Variants in MAGI1 observed in about 807,000 individuals in gnomAD.
MAGI1 encodes the protein membrane associated guanylate kinase, WW and PDZ domain containing 1.
A neutral mutation model predicts 139.9 loss-of-function variants in MAGI1; 58 were observed. The ratio of observed to expected loss-of-function variants is 0.41; its 90% CI spans 0.34 to 0.52. MAGI1 has a LOEUF of 0.52. MAGI1 is among the 20% of genes least tolerant of loss of function. MAGI1 has a pLI of 0.12. For missense variants in MAGI1, 1,874 were observed against 1,901.6 expected (o/e 0.99, Z 0.27); for synonymous variants, 812 against 737.9 (o/e 1.10, Z -1.63).
intron 1 of MAGI1, among the ~76,000 whole-genome samples, chr3:65,632,787 T>C (rs552141186): frequency 2.0e-5 from 3 of 152,326 alleles, no homozygotes; most frequent in South Asian, 2.1e-4. Context: ...CCTTGGGCCA[T>C]AGTTTCTAAA....
intron 20 of MAGI1, 126 bp downstream of exon 20, chr3:65,364,539 A>C (rs1379689343): frequency 1.3e-6 from 1 of 782,354 alleles, no homozygotes; most frequent in Non-Finnish European, 2.2e-6. Flanking sequence ...TACGTTTGGT[A>C]AATCACCTCA....
At chr3:65,777,350 A>G (rs374857089) in intron 1 of MAGI1, among the ~76,000 whole-genome samples, 29 of 152,324 alleles carry the variant, frequency 1.9e-4, no homozygotes, top group African/African-American at 7.0e-4. Context: ...TGATGTACTT[A>G]GACGAATGAC....
rs2078201462 is a variant in MAGI1 at position 65,522,336 on chromosome 3, A to AATAT, written c.431-28706_431-28705insATAT. Among the ~76,000 whole-genome samples, 3 of 152,334 alleles carry AATAT rather than the reference A, an allele frequency of 2.0e-5. No individual in the cohort carries two copies. In the South Asian group the frequency reaches 6.2e-4, roughly 32 times the overall value. On this transcript the variant is annotated intron_variant, in intron 2 of 22. Transcript: ENST00000402939. ...GCATTTCATAGGACTAGTGTTCTAT[A>AATAT]AGCACAAGCATAGGCTGCTGGAGTT...
chr3:65,816,288 A>G (rs1450846273), intron 1 of MAGI1, among the ~76,000 whole-genome samples: 3 of 152,234 alleles, frequency 2.0e-5, no homozygotes, highest in African/African-American at 7.2e-5. Context: ...TATCCAAAAA[A>G]AAAACACTTT....
chr3:65,515,735 C>G (rs2077838128), intron 2 of MAGI1, among the ~76,000 whole-genome samples: 1 of 152,194 alleles, frequency 6.6e-6, no homozygotes, highest in Non-Finnish European at 1.5e-5. Context: ...CAGCCAAACT[C>G]TCAGCCATCA....
intron 1 of MAGI1, among the ~76,000 whole-genome samples, chr3:65,803,152 A>T (rs2040623853): frequency 6.6e-6 from 1 of 151,976 alleles, no homozygotes. Context: ...AAATGAGCTG[A>T]TTTTTTTTAA....
intron 1 of MAGI1, among the ~76,000 whole-genome samples, chr3:65,921,114 A>C (rs533331991): frequency 6.6e-6 from 1 of 152,240 alleles, no homozygotes; most frequent in African/African-American, 2.4e-5. Context: ...CAGAAGTTAT[A>C]ATTGCACAGA....
chr3:65,732,706 C>A (rs556672423), intron 1 of MAGI1, among the ~76,000 whole-genome samples: 1 of 152,308 alleles, frequency 6.6e-6, no homozygotes, highest in Admixed American at 6.5e-5. Flanking sequence ...AAAAATCCTG[C>A]TACAGATTAT....
chr3:65,713,242 T>C (rs903456516), intron 1 of MAGI1, among the ~76,000 whole-genome samples: 1 of 152,078 alleles, frequency 6.6e-6, no homozygotes, highest in Non-Finnish European at 1.5e-5. Flanking sequence ...CTCCCTGCCA[T>C]ACCAGCCTTA....
intron 2 of MAGI1, among the ~76,000 whole-genome samples, chr3:65,615,414 G>A (rs1294344666): frequency 6.6e-6 from 1 of 152,172 alleles, no homozygotes; most frequent in Non-Finnish European, 1.5e-5. Context: ...GGTCAGGAAT[G>A]TCCAGGTCCT....
intron 1 of MAGI1, among the ~76,000 whole-genome samples, chr3:65,758,944 T>C (rs1023091102): frequency 8.6e-5 from 13 of 152,028 alleles, no homozygotes; most frequent in African/African-American, 1.4e-4. Context: ...GGAACATATA[T>C]GCTGGTGAAT....
chr3:65,781,237 G>T (rs2038908151), intron 1 of MAGI1, among the ~76,000 whole-genome samples: 1 of 152,020 alleles, frequency 6.6e-6, no homozygotes, highest in South Asian at 2.1e-4. Flanking sequence ...AAGTTCGGAT[G>T]GAAAACAGAA....
At chr3:65,868,971 A>G (rs1415075307) in intron 1 of MAGI1, among the ~76,000 whole-genome samples, 1 of 152,000 alleles carries the variant, frequency 6.6e-6, no homozygotes, top group Non-Finnish European at 1.5e-5. Context: ...AACTTCTAAC[A>G]TACCTCATAA....
At chr3:65,801,914 T>A (rs776271843) in intron 1 of MAGI1, among the ~76,000 whole-genome samples, 1 of 152,154 alleles carries the variant, frequency 6.6e-6, no homozygotes, top group Non-Finnish European at 1.5e-5. Flanking sequence ...CCTCCTGAGC[T>A]GGGCCTCCTG....
chr3:65,576,799 T>C (rs1169221325), intron 2 of MAGI1, among the ~76,000 whole-genome samples: 2 of 152,182 alleles, frequency 1.3e-5, no homozygotes, highest in African/African-American at 4.8e-5. Context: ...CATTTAGGTA[T>C]CTGCCACCAG....
chr3:65,936,661 A>G (rs894136796), intron 1 of MAGI1, among the ~76,000 whole-genome samples: 1 of 151,980 alleles, frequency 6.6e-6, no homozygotes, highest in Admixed American at 6.6e-5. Context: ...ACATTTTAAT[A>G]TGTTAGTTAT....
chr3:65,984,549 T>TGTGTGA (rs1365094861), intron 1 of MAGI1, among the ~76,000 whole-genome samples: 7 of 143,362 alleles, frequency 4.9e-5, no homozygotes, highest in Non-Finnish European at 9.2e-5. Context: ...TGTGTGTGTG[T>TGTGTGA]GACAGGGTCT....
chr3:65,829,340 G>A (rs2108287781), intron 1 of MAGI1, among the ~76,000 whole-genome samples: 1 of 152,246 alleles, frequency 6.6e-6, no homozygotes, highest in South Asian at 2.1e-4. Flanking sequence ...TTCCTATGTT[G>A]GAACCTAATA....
intron 1 of MAGI1, among the ~76,000 whole-genome samples, chr3:65,738,336 C>T (rs1355559859): frequency 6.6e-6 from 1 of 152,108 alleles, no homozygotes; most frequent in African/African-American, 2.4e-5. Context: ...CACCCCAAGC[C>T]AATTTAAAAA....
Sources: gnomAD v4.1 joint callset for allele counts (sites outside exome capture counted in the v4.1 genomes callset) on GRCh38, gnomAD v4.1.1 for gene constraint, MANE v1.5 for transcripts, NCBI Gene and HGNC (gene_info 2026-07-23, HGNC 2026-07-21) for gene names.